TNRC18: variants seen among roughly 807,000 people sequenced by gnomAD.
TNRC18 encodes the protein trinucleotide repeat containing 18.
Under a neutral mutation model 226.7 loss-of-function variants are expected in TNRC18, and 69 were observed. The ratio of observed to expected loss-of-function variants is 0.30; its 90% CI spans 0.25 to 0.37. TNRC18 has a LOEUF of 0.37. TNRC18 is among the 10% of genes least tolerant of loss of function. The pLI is 1.00. For missense variants in TNRC18, 4,754 were observed against 4,256.6 expected, an observed-to-expected ratio of 1.12 and a Z score of -3.25; for synonymous variants, 2,449 against 1,927.6, an observed-to-expected ratio of 1.27 and a Z score of -7.09.
chr7:5,374,591 A>G (rs1002628544), intron 9 of TNRC18, 107 bp from the exon 10 acceptor site: 1 of 1,194,302 alleles, frequency 8.4e-7, no homozygotes, highest in Non-Finnish European at 1.1e-6. Context: ...GGAGAACCTC[A>G]TGCAGGGCCT....
intron 29 of TNRC18, among the ~76,000 whole-genome samples, chr7:5,308,611 G>A (rs1283338694): frequency 6.6e-6 from 1 of 152,156 alleles, no homozygotes; most frequent in Admixed American, 6.6e-5. Flanking sequence ...GAGGTTGGGA[G>A]AGACCCAGAG....
At chr7:5,403,611 C>G (rs1178341577) in intron 2 of TNRC18, among the ~76,000 whole-genome samples, 8 of 151,782 alleles carry the variant, frequency 5.3e-5, no homozygotes, top group Non-Finnish European at 8.8e-5. Context: ...GGCAACCTAG[C>G]AAGACCCCAT....
At chr7:5,321,275 C>G in intron 21 of TNRC18, 85 bp from the exon 22 acceptor site, 1 of 1,010,602 alleles carries the variant, frequency 9.9e-7, no homozygotes, top group Non-Finnish European at 1.5e-6. Context: ...CAAGTCATCC[C>G]CTTGGAATGG....
At chr7:5,314,942 A>C in intron 26 of TNRC18, 42 bp downstream of exon 26, 1 of 1,561,192 alleles carries the variant, frequency 6.4e-7, no homozygotes, top group Non-Finnish European at 8.7e-7. Context: ...TGCACGAAGG[A>C]GATCCGCCCA....
intron 19 of TNRC18, 24 bp from the exon 20 acceptor site, chr7:5,325,272 G>A (rs374098510): frequency 1.3e-6 from 2 of 1,544,474 alleles, no homozygotes; most frequent in African/African-American, 1.4e-5. Flanking sequence ...CAGCAGAGAG[G>A]AGCCATCAAA....
chr7:5,374,115 C>T lies in TNRC18; in HGVS notation c.3169G>A (p.Glu1057Lys), dbSNP rs767889251. 8 of 1,576,312 alleles carry T rather than the reference C, an allele frequency of 5.1e-6. No individual in the cohort carries two copies. The highest frequency in any genetic ancestry group is 2.5e-5 in the East Asian group (1 of 40,044). The change falls in exon 10 of 30, where the codon GAG (glutamate) becomes AAG (lysine). Residue 1057 changes from glutamate (E) to lysine (K), a missense_variant. Coordinates refer to ENST00000430969, the MANE Select transcript of TNRC18 (RefSeq NM_001080495.3). ...RKEEAPENVV[E>K]KKDLELEKEA... is the part of the protein sequence containing the mutation. The stretch of plus-strand genomic sequence containing the variant: ...TTCTCCAACTCCAAGTCTTTCTTCT[C>T]GACCACATTCTCGGGAGCCTCCTCC...
chr7:5,346,421 G>A lies in TNRC18; in HGVS notation c.5471-611C>T, dbSNP rs533850101. The stretch of plus-strand genomic sequence containing the variant: ...TCGACTCCTGGCATCGCTTGAACCC[G>A]GGAGGCGGAGGTTGCAGTGAGCTGA... On this transcript the variant is annotated intron_variant, in intron 17 of 29. Transcript: ENST00000430969. 1.7e-4 allele frequency among the ~76,000 whole-genome samples: 26 copies of A among 152,294 alleles called. No homozygotes were observed. In the South Asian group the frequency reaches 2.3e-3, roughly 13 times the overall value.
rs759702770 is a variant in TNRC18, at chr7:5,362,816, C to G, written c.4229G>C (p.Arg1410Pro). The change falls in exon 12 of 30, where the codon CGG (arginine) becomes CCG (proline). Residue 1410 changes from arginine to proline, a missense_variant. Physicochemically the swap from Arg to Pro is moderately radical, Grantham distance 103. Transcript: ENST00000430969. ...RRSQEMGGAE[R>P]ALVARPSLES... ...CAGGGAGGGCCGCGCCACCAGGGCC[C>G]GCTCCGCACCTGTGGACAGGAGGTA... is the stretch of plus-strand genomic sequence containing the variant. The G allele has an allele frequency of 6.5e-7, 1 of 1,544,272 alleles. No individual in the cohort carries two copies. The highest frequency in any genetic ancestry group is 8.7e-7 in the Non-Finnish European group (1 of 1,146,372).
rs1244057720 is a variant in TNRC18, at chr7:5,377,273, A to G, written c.2461+98T>C. The stretch of plus-strand genomic sequence containing the variant: ...GGGAGGCAGGCCCAGGCCCCCCAGG[A>G]AACGGCAGGCAGGAGCCAGCCCTGA... On this transcript the variant is annotated intron_variant, in intron 7 of 29. Coordinates refer to ENST00000430969, the MANE Select transcript of TNRC18 (RefSeq NM_001080495.3). This position sits in a 1 kb window ranked among gnomAD's most constrained non-coding sequence, Gnocchi z 5.8. 10 of 1,305,392 alleles carry G rather than the reference A, an allele frequency of 7.7e-6. No individual in the cohort carries two copies. In the Admixed American group the frequency reaches 2.6e-4, roughly 34 times the overall value. The allele number at this position is 1,305,392 out of a possible 1,614,324, so 80.9% of individuals were successfully genotyped here. A position where few individuals can be genotyped will look rare whatever the true frequency, so the allele number is the denominator to read the frequency against.
intron 29 of TNRC18, among the ~76,000 whole-genome samples, 183 bp downstream of exon 29, chr7:5,308,692 G>A (rs893925939): frequency 2.4e-4 from 36 of 152,190 alleles, no homozygotes; most frequent in Non-Finnish European, 2.9e-5. Context: ...CCCAGAGACA[G>A]ACGCACAGAC....
At position 5,313,081 on chromosome 7, in the gene TNRC18, C is replaced by A; in HGVS notation, c.7810G>T (p.Ala2604Ser). ...GGTGAGGCCGCCCTGGAGCTGGCAG[C>A]GCTGCAGTTACGGCCCCCGGTGCCG... ...GCGTGGRNCS[A>S]ASSRAASPAS... The change falls in exon 27 of 30, where the codon GCT becomes TCT. Residue 2604 changes from alanine (A) to serine (S), a missense_variant. Transcript: ENST00000430969. 8.1e-7 allele frequency: 1 copy of A among 1,239,756 alleles called. No individual in the cohort carries two copies. Among genetic ancestry groups the A allele is most frequent in the Non-Finnish European group, 1.1e-6 (1 of 874,832 alleles). 76.8% of individuals were successfully genotyped at this position (1,239,756 alleles called of 1,614,324 possible).
At position 5,388,699 on chromosome 7, in the gene TNRC18, C is replaced by G; in HGVS notation, c.1125G>C (p.Val375=). ...GCTCGTCGAAGGCCTCCACGGAAGGCACGAAGGTGGGCGCCACCACGCGGT... is the reference window on the plus strand; with the variant it reads ...GCTCGTCGAAGGCCTCCACGGAAGGGACGAAGGTGGGCGCCACCACGCGGT... ...REHRVVAPTF[V]PSVEAFDERP... The change falls in exon 5 of 30, where the codon GTG becomes GTC. Residue 375 remains valine, a synonymous_variant. Transcript: ENST00000430969. 2 of 1,266,030 alleles carry G rather than the reference C, an allele frequency of 1.6e-6. No homozygotes were observed. The highest frequency in any genetic ancestry group is 2.0e-6 in the Non-Finnish European group (2 of 1,003,602). 78.4% of individuals were successfully genotyped at this position (1,266,030 alleles called of 1,614,324 possible). A position where few individuals can be genotyped will look rare whatever the true frequency, so the allele number is the denominator to read the frequency against.
chr7:5,377,102 T>TC lies in TNRC18; in HGVS notation c.2462-110dup. On this transcript the variant is annotated intron_variant, in intron 7 of 29. Transcript: ENST00000430969. The surrounding 1 kb of genome is among the most constrained non-coding windows in gnomAD (Gnocchi z 5.8). ...CCCAAGTCCTGAACCTCCTGGGGCC[T>TC]CCAGTGGGGAAGCCAAGGGACAGGG... The TC allele has an allele frequency of 6.9e-7, 1 of 1,450,146 alleles. No homozygotes were observed. The highest frequency in any genetic ancestry group is 1.3e-5 in the South Asian group (1 of 75,628). 89.8% of individuals were successfully genotyped at this position (1,450,146 alleles called of 1,614,324 possible). A position where few individuals can be genotyped will look rare whatever the true frequency, so the allele number is the denominator to read the frequency against.
Position 5,388,004 on chromosome 7 carries a change from C to G in TNRC18, c.1820G>C (p.Cys607Ser). ...RDAVAVRPGG[C>S]GKKSPFGGLG... Reference sequence around the variant, plus strand: ...ACCTCCAAAGGGGCTCTTCTTGCCACAGCCACCAGGGCGCACGGCCACGGC... The same window carrying G: ...ACCTCCAAAGGGGCTCTTCTTGCCAGAGCCACCAGGGCGCACGGCCACGGC... The change falls in exon 5 of 30, where the codon TGT (cysteine) becomes TCT (serine). Residue 607 changes from cysteine to serine, a missense_variant. Coordinates refer to ENST00000430969, the MANE Select transcript of TNRC18 (RefSeq NM_001080495.3). 1 of 1,585,338 alleles carries G rather than the reference C, an allele frequency of 6.3e-7. No individual in the cohort carries two copies. The highest frequency in any genetic ancestry group is 1.1e-5 in the South Asian group (1 of 87,414).
rs1242641899 is a variant in TNRC18 at position 5,306,829 on chromosome 7, A to G, written c.*1277T>C. On this transcript the variant is annotated 3_prime_UTR_variant, in exon 30 of 30. Transcript: ENST00000430969. ...TTAAATCTTTTCTTTTTTTTTATGA[A>G]AAAAGATCACACAGAATTTGCCAAC... 1 of 151,550 alleles carries G rather than the reference A, an allele frequency of 6.6e-6. No individual in the cohort carries two copies. Among genetic ancestry groups the G allele is most frequent in the African/African-American group, 2.4e-5 (1 of 41,260 alleles). The allele number at this position is 151,550 out of a possible 1,614,324, so 9.4% of individuals were successfully genotyped here.
chr7:5,416,765 G>C (rs1383362450), intron 2 of TNRC18, among the ~76,000 whole-genome samples: 2 of 151,946 alleles, frequency 1.3e-5, no homozygotes, highest in Non-Finnish European at 2.9e-5. Flanking sequence ...GCTGAGGCAG[G>C]AGGATCTCCT....
At chr7:5,351,159 G>A (rs1791765623) in intron 17 of TNRC18, among the ~76,000 whole-genome samples, 1 of 152,020 alleles carries the variant, frequency 6.6e-6, no homozygotes, top group African/African-American at 2.4e-5. Flanking sequence ...GCGGCAGGCG[G>A]CACGGTCCCG....
chr7:5,376,339 C>T, intron 8 of TNRC18, 115 bp from the exon 9 acceptor site: 1 of 981,802 alleles, frequency 1.0e-6, no homozygotes, highest in Non-Finnish European at 1.4e-6. Flanking sequence ...GGGAGCTGGG[C>T]TCTCTGCGGG....
chr7:5,354,834 C>A (rs1210275492), intron 16 of TNRC18, among the ~76,000 whole-genome samples: 1 of 152,210 alleles, frequency 6.6e-6, no homozygotes, highest in Non-Finnish European at 1.5e-5. Context: ...CCCCCAACGA[C>A]CCCGTAAAGC....
Sources: gnomAD v4.1 joint callset for allele counts (sites outside exome capture counted in the v4.1 genomes callset) on GRCh38, gnomAD v4.1.1 for gene constraint, Gnocchi (gnomAD v3.1) non-coding constraint, MANE v1.5 for transcripts, NCBI Gene and HGNC (gene_info 2026-07-23, HGNC 2026-07-21) for gene names.